The following CCDC6 variants were observed in gnomAD, a reference collection of about 807,000 sequenced individuals.
CCDC6 encodes the protein coiled-coil domain containing 6.
In CCDC6, 20 loss-of-function variants were observed where a neutral mutation model predicts 56.6. The observed-to-expected ratio is 0.35, with a 90% CI of 0.25 to 0.51. The LOEUF (loss-of-function observed/expected upper bound fraction) is 0.51, where lower values mean the gene tolerates loss of function less well. CCDC6 is among the 20% of genes least tolerant of loss of function. The pLI is 0.95. For synonymous variants in CCDC6, 241 were observed against 234.4 expected, an observed-to-expected ratio of 1.03 and a Z score of -0.26; for missense variants, 367 against 601.1, an observed-to-expected ratio of 0.61 and a Z score of 4.07.
At chr10:59,819,218 C>T (rs748792694) in intron 3 of CCDC6, among the ~76,000 whole-genome samples, 1 of 152,130 alleles carries the variant, frequency 6.6e-6, no homozygotes, top group African/African-American at 2.4e-5. Flanking sequence ...TGTTGTTTCA[C>T]TTAAAGTCAG....
rs150156231 is a variant in CCDC6, at chr10:59,832,645, A to G, written c.462T>C (p.His154=). ...ELSRKLMQLQ[H]EKAELEQHLE... ...GATGCTGTTCTAGTTCGGCTTTCTCATGCTGCAACTGGAAAATGAAAAACA... is the reference window on the plus strand; with the variant it reads ...GATGCTGTTCTAGTTCGGCTTTCTCGTGCTGCAACTGGAAAATGAAAAACA... The change falls in exon 3 of 9, where the codon CAT becomes CAC. Residue 154 remains histidine (H), a synonymous_variant. Transcript: ENST00000263102. The G allele has an allele frequency of 2.3e-4, 378 of 1,611,832 alleles. 1 individual carries two copies. The African/African-American group carries it at 4.4e-3, about 19-fold the overall frequency.
At chr10:59,827,975 G>A (rs983290198) in intron 3 of CCDC6, among the ~76,000 whole-genome samples, 1 of 152,148 alleles carries the variant, frequency 6.6e-6, no homozygotes. Context: ...TTCCCCATCA[G>A]ATAATTTTCA....
chr10:59,804,569 C>A (rs200477145), intron 6 of CCDC6, 49 bp from the exon 7 acceptor site: 2 of 1,048,234 alleles, frequency 1.9e-6, no homozygotes, highest in Admixed American at 3.4e-5. Flanking sequence ...TTTAAATAGG[C>A]CTTAGGAGAG....
intron 5 of CCDC6, among the ~76,000 whole-genome samples, chr10:59,812,267 G>A (rs2070680314): frequency 1.3e-5 from 2 of 152,246 alleles, no homozygotes; most frequent in Admixed American, 6.5e-5. Context: ...TAGTAAGGAA[G>A]GTAAACACTA....
At chr10:59,843,297 G>A (rs922529184) in intron 2 of CCDC6, among the ~76,000 whole-genome samples, 4 of 152,140 alleles carry the variant, frequency 2.6e-5, no homozygotes, top group African/African-American at 9.7e-5. Flanking sequence ...ATTTCTTTAC[G>A]GGACAGAAGA....
chr10:59,834,934 A>T (rs2070868946), intron 2 of CCDC6, among the ~76,000 whole-genome samples: 2 of 152,224 alleles, frequency 1.3e-5, no homozygotes, highest in Admixed American at 1.3e-4. Flanking sequence ...TAAGGCTTTC[A>T]TTCAGTAAGC....
intron 3 of CCDC6, among the ~76,000 whole-genome samples, chr10:59,821,106 AT>A (rs2070746560): frequency 6.6e-6 from 1 of 152,236 alleles, no homozygotes; most frequent in Non-Finnish European, 1.5e-5. Flanking sequence ...TATTCAAAAA[AT>A]AAATCAGTCA....
chr10:59,899,435 G>A (rs1039022321), intron 1 of CCDC6, among the ~76,000 whole-genome samples: 14 of 152,124 alleles, frequency 9.2e-5, no homozygotes, highest in African/African-American at 2.4e-4. Flanking sequence ...CAATTATTTC[G>A]GCAAGGCATG....
chr10:59,862,512 TATATACACACAC>T (rs1435379964), intron 1 of CCDC6, among the ~76,000 whole-genome samples: 19 of 75,416 alleles, frequency 2.5e-4, no homozygotes, highest in African/African-American at 1.4e-3. Context: ...TATATATATA[TATATACACACAC>T]ACACACACAC....
chr10:59,817,758 T>C (rs1448483369), intron 3 of CCDC6, among the ~76,000 whole-genome samples: 3 of 152,174 alleles, frequency 2.0e-5, no homozygotes, highest in Non-Finnish European at 2.9e-5. Context: ...TCTGAGCAGG[T>C]CACTCAGCTG....
At chr10:59,864,956 G>C (rs908102133) in intron 1 of CCDC6, among the ~76,000 whole-genome samples, 2 of 152,200 alleles carry the variant, frequency 1.3e-5, no homozygotes, top group African/African-American at 4.8e-5. Context: ...TTCTGTGTTT[G>C]TGATTCACAT....
chr10:59,837,759 A>AAAG (rs1240120823), intron 2 of CCDC6, among the ~76,000 whole-genome samples: 1 of 148,588 alleles, frequency 6.7e-6, no homozygotes, highest in African/African-American at 2.5e-5. Context: ...AAAAAAAAAA[A>AAAG]AAAAAAAAAA....
intron 1 of CCDC6, among the ~76,000 whole-genome samples, chr10:59,889,447 T>C (rs1721078250): frequency 6.6e-6 from 1 of 152,214 alleles, no homozygotes; most frequent in Non-Finnish European, 1.5e-5. Flanking sequence ...TATTCATGTT[T>C]TCCTGAGGGA....
chr10:59,900,807 C>G (rs1387346860), intron 1 of CCDC6, among the ~76,000 whole-genome samples: 1 of 152,158 alleles, frequency 6.6e-6, no homozygotes, highest in Non-Finnish European at 1.5e-5. Flanking sequence ...ACCTGTAATC[C>G]TAGCACTTTG....
chr10:59,816,020 C>T (rs79800396), intron 3 of CCDC6, among the ~76,000 whole-genome samples: 2,524 of 152,316 alleles, frequency 0.017, 31 homozygotes, highest in Middle Eastern at 0.041. Flanking sequence ...TAAGAAGCAA[C>T]AATCTCAACC....
chr10:59,850,363 A>G (rs1054203093), intron 2 of CCDC6, among the ~76,000 whole-genome samples: 9 of 132,016 alleles, frequency 6.8e-5, no homozygotes, highest in Non-Finnish European at 1.1e-4. Flanking sequence ...AATTTACCAC[A>G]TTAAAATAAA....
Position 59,859,342 on chromosome 10 carries a change from T to A in CCDC6, c.304-6640A>T, listed in dbSNP as rs1321765991. ...GAAACAATCTATTTTGGATCCCATA[T>A]ATATGCACTAACTCCCCTAAATCCT... On this transcript the variant is annotated intron_variant, in intron 1 of 8. Transcript: ENST00000263102. 3.9e-5 allele frequency among the ~76,000 whole-genome samples: 6 copies of A among 152,206 alleles called. No individual in the cohort carries two copies. The East Asian group carries it at 1.2e-3, about 29-fold the overall frequency.
intron 1 of CCDC6, among the ~76,000 whole-genome samples, chr10:59,854,154 C>T (rs917688101): frequency 6.6e-6 from 1 of 152,092 alleles, no homozygotes; most frequent in African/African-American, 2.4e-5. Flanking sequence ...AAAGGGCACC[C>T]ACATTAAACA....
At chr10:59,809,241 G>A (rs1489697807) in intron 5 of CCDC6, among the ~76,000 whole-genome samples, 1 of 152,158 alleles carries the variant, frequency 6.6e-6, no homozygotes, top group African/African-American at 2.4e-5. Flanking sequence ...TTTACAGGAA[G>A]GGTGCTGGAG....
Sources: allele counts gnomAD v4.1 joint callset (sites outside exome capture counted in the v4.1 genomes callset), GRCh38; gene constraint gnomAD v4.1.1; transcripts MANE v1.5; gene names NCBI Gene and HGNC (gene_info 2026-07-23, HGNC 2026-07-21).